The following HERC3 variants were observed in gnomAD, a reference collection of about 807,000 sequenced individuals.
HERC3 encodes HECT and RLD domain containing E3 ubiquitin protein ligase 3.
Under a neutral mutation model 129.9 loss-of-function variants are expected in HERC3, and 58 were observed. The observed-to-expected ratio is 0.45, with a 90% CI of 0.36 to 0.56. The LOEUF (loss-of-function observed/expected upper bound fraction) is 0.56, where lower values mean the gene tolerates loss of function less well. Ranked by LOEUF, HERC3 falls within the 20% of genes least tolerant of loss-of-function variation. The pLI, the probability that HERC3 is intolerant of heterozygous loss-of-function variation, is 0.00. For synonymous variants in HERC3, 430 were observed against 451.0 expected (o/e 0.95, Z 0.59); for missense variants, 835 against 1,244.2 (o/e 0.67, Z 4.95).
chr4:88,593,154 G>C (rs1244423515), intron 1 of HERC3: 1 of 152,138 alleles, frequency 6.6e-6, no homozygotes, highest in Non-Finnish European at 1.5e-5. Flanking sequence ...GCAGGGCTGC[G>C]GGGCCCGGCA....
chr4:88,589,807 C>T (rs1721616467), upstream of HERC3, among the ~76,000 whole-genome samples: 1 of 152,146 alleles, frequency 6.6e-6, no homozygotes, highest in Non-Finnish European at 1.5e-5. Flanking sequence ...ACTGTGGTAT[C>T]TTTACTGTTC....
intron 14 of HERC3, 139 bp downstream of exon 14, chr4:88,668,220 TG>T: frequency 1.6e-6 from 1 of 633,850 alleles, no homozygotes. Context: ...TTTTTTTCTT[TG>T]CTGTTAATTT....
chr4:88,704,234 G>T lies in HERC3; in HGVS notation c.2794G>T (p.Ala932Ser). 1 of 1,614,132 alleles carries T rather than the reference G, an allele frequency of 6.2e-7. No homozygotes were observed. Among genetic ancestry groups the T allele is most frequent in the African/African-American group, 1.3e-5 (1 of 75,040 alleles). Reference sequence around the variant, plus strand: ...GCTCTTCCAGCCTTCAGAACTGAGGGCTATGATGGTGGGGAACAGCAACTA... The same window carrying T: ...GCTCTTCCAGCCTTCAGAACTGAGGTCTATGATGGTGGGGAACAGCAACTA... ...LELFQPSELR[A>S]MMVGNSNYNW... Residue 932 changes from alanine (A) to serine (S), a missense_variant, in exon 24 of 26, where the codon GCT becomes TCT. By Grantham distance (99) the Ala-to-Ser change is moderately conservative (BLOSUM62 1). Transcript: ENST00000402738.
At chr4:88,693,498 T>A (rs1734282459) in intron 23 of HERC3, 1 of 974,826 alleles carries the variant, frequency 1.0e-6, no homozygotes, top group Admixed American at 6.2e-5. Context: ...ACAGTATTGA[T>A]CTATTTTACT....
intron 23 of HERC3, among the ~76,000 whole-genome samples, chr4:88,702,996 G>A (rs1180777972): frequency 1.3e-5 from 2 of 152,194 alleles, no homozygotes; most frequent in African/African-American, 2.4e-5. Context: ...AAGCCAGCCT[G>A]CTATAAGTCA....
intron 3 of HERC3, among the ~76,000 whole-genome samples, chr4:88,644,610 G>C (rs1728500224): frequency 6.6e-6 from 1 of 152,172 alleles, no homozygotes; most frequent in African/African-American, 2.4e-5. Context: ...GATGAGGAGA[G>C]GATGCAACTA....
chr4:88,651,949 A>C (rs528617177), intron 4 of HERC3, 63 bp from the exon 5 acceptor site: 1 of 1,127,842 alleles, frequency 8.9e-7, no homozygotes, highest in Admixed American at 1.8e-5. Context: ...AATTGGGAAT[A>C]TTTCTGATAA....
chr4:88,528,090 G>A, the HERC3 span: 1 of 279,608 alleles, frequency 3.6e-6, no homozygotes, highest in Non-Finnish European at 7.2e-6. Flanking sequence ...GTGTATATGT[G>A]CAATCCAGGT....
chr4:88,647,936 T>C (rs1728873733), intron 3 of HERC3, among the ~76,000 whole-genome samples: 1 of 152,080 alleles, frequency 6.6e-6, no homozygotes, highest in African/African-American at 2.4e-5. Context: ...AGTTCTGTTA[T>C]ATTCTCTACC....
chr4:88,582,882 T>C, the HERC3 span, among the ~76,000 whole-genome samples: 1 of 152,222 alleles, frequency 6.6e-6, no homozygotes, highest in Non-Finnish European at 1.5e-5. Context: ...TCAAATTGCC[T>C]ACATCCCCCA....
At chr4:88,557,383 A>G in the HERC3 span, among the ~76,000 whole-genome samples, 2 of 152,158 alleles carry the variant, frequency 1.3e-5, no homozygotes. Context: ...TTTCACTTAC[A>G]TGGGTCTCTT....
the HERC3 span, among the ~76,000 whole-genome samples, chr4:88,546,911 T>C: frequency 6.6e-6 from 1 of 152,322 alleles, no homozygotes; most frequent in East Asian, 1.9e-4. Context: ...TCTTCAATAA[T>C]GTGTCATATT....
chr4:88,679,451 A>G (rs1006076801), intron 19 of HERC3, among the ~76,000 whole-genome samples: 4 of 150,384 alleles, frequency 2.7e-5, no homozygotes, highest in African/African-American at 9.8e-5. Context: ...TATATATTTG[A>G]CTCTTTAAAA....
chr4:88,682,368 A>G (rs59537482), intron 21 of HERC3, among the ~76,000 whole-genome samples: 1 of 152,104 alleles, frequency 6.6e-6, no homozygotes, highest in Non-Finnish European at 1.5e-5. Context: ...CATGTGCACA[A>G]CGTGCAGGTT....
At chr4:88,652,396 C>T (rs1729389850) in intron 5 of HERC3, among the ~76,000 whole-genome samples, 1 of 152,172 alleles carries the variant, frequency 6.6e-6, no homozygotes, top group Admixed American at 6.5e-5. Flanking sequence ...AGCCAACTCT[C>T]AAGCTACATT....
At chr4:88,632,669 G>T (rs1002414901) in intron 3 of HERC3, among the ~76,000 whole-genome samples, 2 of 152,216 alleles carry the variant, frequency 1.3e-5, no homozygotes, top group African/African-American at 4.8e-5. Flanking sequence ...ACAGAGGAAA[G>T]AATCAATGAA....
intron 3 of HERC3, among the ~76,000 whole-genome samples, chr4:88,639,348 A>G (rs959349602): frequency 3.3e-5 from 5 of 152,338 alleles, no homozygotes; most frequent in Middle Eastern, 6.8e-3. Context: ...ACTATCCTAC[A>G]AGGCTACAGT....
chr4:88,527,987 CT>C, the HERC3 span: 1 of 276,976 alleles, frequency 3.6e-6, no homozygotes, highest in South Asian at 4.0e-5. Flanking sequence ...TAGCAAGCAT[CT>C]TGCCCCTCAG....
At chr4:88,623,361 C>T (rs1725752972) in intron 3 of HERC3, among the ~76,000 whole-genome samples, 2 of 152,238 alleles carry the variant, frequency 1.3e-5, no homozygotes. Flanking sequence ...TACTCATCCT[C>T]TGTCCTCCCA....
Sources: allele counts gnomAD v4.1 joint callset (sites outside exome capture counted in the v4.1 genomes callset), GRCh38; gene constraint gnomAD v4.1.1; transcripts MANE v1.5; gene names NCBI Gene and HGNC (gene_info 2026-07-23, HGNC 2026-07-21).